Variants in ROPN1B observed in about 807,000 individuals in gnomAD.
The protein encoded by ROPN1B is ropporin-1B.
In ROPN1B, 13 loss-of-function variants were observed where a neutral mutation model predicts 23.7. The ratio of observed to expected loss-of-function variants is 0.55; its 90% CI spans 0.36 to 0.87. The LOEUF is 0.87. Ranked by LOEUF, ROPN1B falls within the 40% of genes least tolerant of loss-of-function variation. The pLI, the probability that ROPN1B is intolerant of heterozygous loss-of-function variation, is 0.01. For missense variants in ROPN1B, 183 were observed against 249.2 expected (o/e 0.73, Z 1.79); for synonymous variants, 67 against 100.4 (o/e 0.67, Z 1.99).
chr3:125,980,163 G>A (rs1048636426), intron 5 of ROPN1B, among the ~76,000 whole-genome samples: 2 of 152,214 alleles, frequency 1.3e-5, no homozygotes, highest in Non-Finnish European at 2.9e-5. Flanking sequence ...GCAAGAGAAT[G>A]AAGATCTGTT....
chr3:125,975,299 C>T (rs943527460), intron 3 of ROPN1B, among the ~76,000 whole-genome samples: 3 of 152,164 alleles, frequency 2.0e-5, no homozygotes, highest in African/African-American at 7.2e-5. Flanking sequence ...GAATTGCATA[C>T]CCAAACTTTT....
chr3:125,978,232 T>G (rs1298372389), intron 5 of ROPN1B, among the ~76,000 whole-genome samples: 1 of 151,930 alleles, frequency 6.6e-6, no homozygotes, highest in East Asian at 1.9e-4. Context: ...GAGTTGTCAA[T>G]CAGGACGGGA....
At chr3:125,982,533 CTG>C in intron 6 of ROPN1B, 88 bp downstream of exon 6, 1 of 1,135,164 alleles carries the variant, frequency 8.8e-7, no homozygotes, top group Non-Finnish European at 1.2e-6. Flanking sequence ...TTGTATTATA[CTG>C]CTCTGGGAAC....
intron 5 of ROPN1B, among the ~76,000 whole-genome samples, chr3:125,980,984 C>A (rs958968390): frequency 5.3e-5 from 8 of 152,088 alleles, no homozygotes; most frequent in African/African-American, 1.4e-4. Context: ...ATGATAGGAC[C>A]CCCAGGGACA....
chr3:125,970,528 C>T (rs1271290868), intron 1 of ROPN1B, among the ~76,000 whole-genome samples: 3 of 152,080 alleles, frequency 2.0e-5, no homozygotes, highest in South Asian at 4.2e-4. Context: ...GGCAGGTATA[C>T]GTTGGGCTGC....
chr3:125,979,834 T>C (rs1041301806), intron 5 of ROPN1B, among the ~76,000 whole-genome samples: 2 of 152,204 alleles, frequency 1.3e-5, no homozygotes, highest in African/African-American at 4.8e-5. Context: ...CTCCGGTAGG[T>C]AATAGGTACA....
intron 3 of ROPN1B, among the ~76,000 whole-genome samples, chr3:125,975,156 C>T (rs1331294323): frequency 1.3e-5 from 2 of 152,176 alleles, no homozygotes; most frequent in South Asian, 2.1e-4. Flanking sequence ...CTTCCCCTTT[C>T]TTACGTACAT....
intron 5 of ROPN1B, among the ~76,000 whole-genome samples, chr3:125,978,617 T>C (rs1216160862): frequency 6.6e-6 from 1 of 152,190 alleles, no homozygotes; most frequent in African/African-American, 2.4e-5. Context: ...GTCTCCATGG[T>C]AATGCCTATC....
At chr3:125,983,101 T>A (rs1559787948) in intron 6 of ROPN1B, among the ~76,000 whole-genome samples, 153 bp from the exon 7 acceptor site, 1 of 152,196 alleles carries the variant, frequency 6.6e-6, no homozygotes, top group African/African-American at 2.4e-5. Flanking sequence ...TACTCCAGCC[T>A]GGACGACAGA....
chr3:125,972,781 T>A (rs1435697761), intron 3 of ROPN1B: 9 of 360,914 alleles, frequency 2.5e-5, no homozygotes, highest in South Asian at 6.2e-5. Context: ...GCCAACATAA[T>A]GATGTCCTCA....
intron 3 of ROPN1B, chr3:125,972,466 C>T (rs1337727034): frequency 1.2e-5 from 6 of 505,640 alleles, no homozygotes; most frequent in Non-Finnish European, 2.1e-5. Flanking sequence ...CCAGCGTATG[C>T]ACACCCACCT....
chr3:125,982,336 C>G lies in ROPN1B; in HGVS notation c.463C>G (p.Arg155Gly). 1.2e-6 allele frequency: 2 copies of G among 1,613,330 alleles called. No individual in the cohort carries two copies. Among genetic ancestry groups the G allele is most frequent in the Non-Finnish European group, 1.7e-6 (2 of 1,179,662 alleles). ...LSCDHNGGLP[R>G]IPFSTFQFLY... is the part of the protein sequence containing the mutation. ...ATGTGACCACAATGGTGGGTTGCCC[C>G]GAATCCCATTCAGCACCTTCCAGTT... The change falls in exon 6 of 7, where the codon CGA becomes GGA. Residue 155 changes from arginine (R) to glycine (G), a missense_variant. Around this residue, in one of 3 missense-constraint regions of ROPN1B, gnomAD observed 80 missense variants for 98.0 expected, o/e 0.82. Transcript: ENST00000514116.
At chr3:125,975,045 T>C (rs1938353617) in intron 3 of ROPN1B, among the ~76,000 whole-genome samples, 1 of 152,114 alleles carries the variant, frequency 6.6e-6, no homozygotes, top group Non-Finnish European at 1.5e-5. Context: ...AGTGGCACAA[T>C]TATAGTTCGC....
intron 2 of ROPN1B, among the ~76,000 whole-genome samples, chr3:125,971,412 A>G (rs1938199176): frequency 1.3e-5 from 2 of 152,230 alleles, no homozygotes; most frequent in South Asian, 4.1e-4. Context: ...GGAATTGTAT[A>G]TATTTTATGG....
chr3:125,979,698 T>C (rs1256581080), intron 5 of ROPN1B, among the ~76,000 whole-genome samples: 1 of 152,234 alleles, frequency 6.6e-6, no homozygotes, highest in African/African-American at 2.4e-5. Flanking sequence ...AGTTAATTCA[T>C]ATATCCTTAG....
chr3:125,977,516 A>C, intron 5 of ROPN1B: 1 of 372,958 alleles, frequency 2.7e-6, no homozygotes, highest in Non-Finnish European at 5.1e-6. Flanking sequence ...ACTTCCAGAC[A>C]CCTAGAATAT....
chr3:125,972,194 A>G (rs749806922), intron 3 of ROPN1B, 24 bp downstream of exon 3: 169 of 1,612,464 alleles, frequency 1.0e-4, no homozygotes, highest in Non-Finnish European at 1.4e-4. Context: ...TCTCGCCTTC[A>G]TCTCTTGGAG....
chr3:125,982,257 G>C lies in ROPN1B; in HGVS notation c.397-13G>C. The C allele has an allele frequency of 6.4e-7, 1 of 1,574,280 alleles. No homozygotes were observed. The highest frequency in any genetic ancestry group is 2.4e-5 in the East Asian group (1 of 42,402). The stretch of plus-strand genomic sequence containing the variant: ...AAGAGTAACTTTCTCCTCATTTTAT[G>C]TAACTTTTATAGACTATTACCAAAA... On this transcript the variant is annotated splice_polypyrimidine_tract_variant and intron_variant, in intron 5 of 6. Transcript: ENST00000514116.
chr3:125,970,457 G>A (rs1474191798), intron 1 of ROPN1B, among the ~76,000 whole-genome samples: 3 of 152,076 alleles, frequency 2.0e-5, no homozygotes, highest in Non-Finnish European at 4.4e-5. Flanking sequence ...ATAAAAACAA[G>A]TGAGAAATCC....
Sources: gnomAD v4.1 joint callset for allele counts (sites outside exome capture counted in the v4.1 genomes callset) on GRCh38, gnomAD v4.1.1 for gene constraint, gnomAD v4.1.1 regional missense constraint, MANE v1.5 for transcripts, NCBI Gene and HGNC (gene_info 2026-07-23, HGNC 2026-07-21) for gene names.